ENPP6: variants seen among roughly 807,000 people sequenced by gnomAD.
ENPP6 encodes ectonucleotide pyrophosphatase/phosphodiesterase 6.
ENPP6 carries 32 observed loss-of-function variants against 42.0 expected under a neutral mutation model. The observed-to-expected ratio is 0.76, with a 90% CI of 0.58 to 1.02. ENPP6 has a LOEUF of 1.02. ENPP6 is among the 50% of genes least tolerant of loss of function. The probability of loss-of-function intolerance (pLI) is 0.00; values close to 1 mark genes in which losing one functional copy is unlikely to be tolerated. For missense variants in ENPP6, 552 were observed against 566.8 expected (o/e 0.97, Z 0.27); for synonymous variants, 213 against 216.0 (o/e 0.99, Z 0.12).
intron 2 of ENPP6, among the ~76,000 whole-genome samples, chr4:184,131,271 C>CTTT (rs374962656): frequency 0.062 from 3,721 of 59,844 alleles, 318 homozygotes; most frequent in African/African-American, 0.14. Flanking sequence ...TTCCTTCCTT[C>CTTT]CTTCCTTCCT....
intron 6 of ENPP6, 77 bp from the exon 7 acceptor site, chr4:184,097,445 C>T: frequency 6.3e-7 from 1 of 1,585,992 alleles, no homozygotes; most frequent in Non-Finnish European, 8.6e-7. Flanking sequence ...CAAGCCGCCA[C>T]TCCACCGGGG....
rs371373488 is a variant in ENPP6, at chr4:184,153,656, C to T, written c.319G>A (p.Val107Ile). Residue 107 changes from valine (V) to isoleucine (I), a missense_variant, in exon 2 of 8, where the codon GTC becomes ATC. Physicochemically the swap from Val to Ile is conservative, Grantham distance 29. Coordinates refer to ENST00000296741, the MANE Select transcript of ENPP6 (RefSeq NM_153343.4). ...PTTNKSFDIG[V>I]NKDSLMPLWW... ...AGAGGCATTAGGCTGTCTTTGTTGA[C>T]GCCAATGTCAAAGGACTTGTTGGTG... 19 of 1,613,998 alleles carry T rather than the reference C, an allele frequency of 1.2e-5. No individual in the cohort carries two copies. Among genetic ancestry groups the T allele is most frequent in the Middle Eastern group, 1.6e-4 (1 of 6,084 alleles).
At chr4:184,125,348 G>A (rs1237634484) in intron 2 of ENPP6, among the ~76,000 whole-genome samples, 1 of 152,174 alleles carries the variant, frequency 6.6e-6, no homozygotes, top group East Asian at 1.9e-4. Flanking sequence ...AGGGTTCAGA[G>A]AACTTCTGAG....
At chr4:184,215,379 G>T (rs1733180710) in intron 1 of ENPP6, among the ~76,000 whole-genome samples, 2 of 152,150 alleles carry the variant, frequency 1.3e-5, no homozygotes, top group Non-Finnish European at 2.9e-5. Context: ...ATTCCCAATG[G>T]CTATATCCTT....
At chr4:184,186,126 G>A (rs778992175) in intron 1 of ENPP6, among the ~76,000 whole-genome samples, 24 of 152,088 alleles carry the variant, frequency 1.6e-4, no homozygotes, top group Non-Finnish European at 3.1e-4. Context: ...TTGATAAAGC[G>A]TACATAGATA....
chr4:184,137,971 T>A (rs1736757469), intron 2 of ENPP6, among the ~76,000 whole-genome samples: 1 of 152,206 alleles, frequency 6.6e-6, no homozygotes, highest in African/African-American at 2.4e-5. Flanking sequence ...TTCTAGTTGT[T>A]CCTGGAGAGA....
At chr4:184,105,373 C>G (rs1412921045) in intron 6 of ENPP6, among the ~76,000 whole-genome samples, 1 of 152,162 alleles carries the variant, frequency 6.6e-6, no homozygotes, top group Non-Finnish European at 1.5e-5. Context: ...GCTCTAGACC[C>G]CACAGAAGCC....
intron 3 of ENPP6, among the ~76,000 whole-genome samples, chr4:184,118,620 C>T (rs1172005051): frequency 1.3e-5 from 2 of 152,234 alleles, no homozygotes; most frequent in Non-Finnish European, 2.9e-5. Context: ...GATACGTTGA[C>T]ATTTCATTGA....
At chr4:184,181,119 T>C (rs1269502657) in intron 1 of ENPP6, among the ~76,000 whole-genome samples, 1 of 152,216 alleles carries the variant, frequency 6.6e-6, no homozygotes, top group African/African-American at 2.4e-5. Context: ...CCCCATCATC[T>C]GAGCCCCAAA....
chr4:184,147,775 T>C (rs1243330529), intron 2 of ENPP6, among the ~76,000 whole-genome samples: 1 of 146,162 alleles, frequency 6.8e-6, no homozygotes, highest in Non-Finnish European at 1.5e-5. Context: ...CACTCTAGCC[T>C]GGGCAACAGA....
At chr4:184,113,963 C>CT (rs1162715775) in intron 5 of ENPP6, among the ~76,000 whole-genome samples, 3 of 126,412 alleles carry the variant, frequency 2.4e-5, no homozygotes, top group African/African-American at 8.7e-5. Flanking sequence ...TTCTTTCTTT[C>CT]TCTCTTTCTT....
At chr4:184,097,640 A>T (rs966329125) in intron 6 of ENPP6, among the ~76,000 whole-genome samples, 8 of 152,214 alleles carry the variant, frequency 5.3e-5, no homozygotes, top group African/African-American at 1.9e-4. Context: ...GCCACTAAAT[A>T]TAGTAAGTTA....
In ENPP6 at chr4:184,142,878, A is replaced by G. The variant is rs75984869; in HGVS notation, c.421+10676T>C. Among the ~76,000 whole-genome samples, 1,245 of 152,324 alleles carry G rather than the reference A, an allele frequency of 8.2e-3. 21 individuals are homozygous for G. The highest frequency in any genetic ancestry group is 0.029 in the African/African-American group (1,188 of 41,566). ...CAGGAAAAATCCCTGGCCCAGGGTC[A>G]GCGACTGCACTTCTTCCGAGTGGGA... On this transcript the variant is annotated intron_variant, in intron 2 of 7. Coordinates refer to ENST00000296741, the MANE Select transcript of ENPP6 (RefSeq NM_153343.4).
intron 2 of ENPP6, among the ~76,000 whole-genome samples, chr4:184,131,650 C>CTGTGTA (rs1443392514): frequency 4.6e-5 from 7 of 152,056 alleles, no homozygotes; most frequent in African/African-American, 1.4e-4. Flanking sequence ...AGGTGTGAGC[C>CTGTGTA]ATCACGCCCT....
At chr4:184,175,640 G>C (rs1307260170) in intron 1 of ENPP6, among the ~76,000 whole-genome samples, 1 of 152,164 alleles carries the variant, frequency 6.6e-6, no homozygotes, top group Non-Finnish European at 1.5e-5. Context: ...CTCCCCAAAT[G>C]GAAATACCAT....
intron 5 of ENPP6, among the ~76,000 whole-genome samples, chr4:184,115,628 C>T (rs372839091): frequency 6.6e-6 from 1 of 152,166 alleles, no homozygotes; most frequent in Non-Finnish European, 1.5e-5. Context: ...ATATCCCTCA[C>T]AGCAGCCAGG....
chr4:184,146,125 A>G (rs573245731), intron 2 of ENPP6, among the ~76,000 whole-genome samples: 10 of 150,414 alleles, frequency 6.6e-5, no homozygotes, highest in African/African-American at 2.2e-4. Flanking sequence ...AGCGTTGACT[A>G]ACAATGTTTA....
intron 7 of ENPP6, among the ~76,000 whole-genome samples, chr4:184,095,160 T>C (rs894400523): frequency 6.6e-6 from 1 of 152,198 alleles, no homozygotes; most frequent in Non-Finnish European, 1.5e-5. Context: ...TGGAAACATT[T>C]TGCAATTAGC....
At chr4:184,202,946 A>G (rs1732927659) in intron 1 of ENPP6, among the ~76,000 whole-genome samples, 1 of 152,222 alleles carries the variant, frequency 6.6e-6, no homozygotes, top group Non-Finnish European at 1.5e-5. Flanking sequence ...CATTCTACTG[A>G]TAAAATATTA....
Sources: gnomAD v4.1 joint callset for allele counts (sites outside exome capture counted in the v4.1 genomes callset) on GRCh38, gnomAD v4.1.1 for gene constraint, MANE v1.5 for transcripts, NCBI Gene and HGNC (gene_info 2026-07-23, HGNC 2026-07-21) for gene names.